TMEM132D: variants seen among roughly 807,000 people sequenced by gnomAD.
TMEM132D encodes mature OL transmembrane protein.
In TMEM132D, 21 loss-of-function variants were observed where a neutral mutation model predicts 62.3. That is an observed-to-expected ratio of 0.34 (90% CI 0.24 to 0.49). The LOEUF is 0.49. Among genes scored for constraint, TMEM132D ranks in the 20% least tolerant of loss-of-function variants. The probability of loss-of-function intolerance (pLI) is 0.99; values close to 1 mark genes in which losing one functional copy is unlikely to be tolerated. For synonymous variants in TMEM132D, 621 were observed against 575.6 expected (o/e 1.08, Z -1.13); for missense variants, 1,346 against 1,402.8 (o/e 0.96, Z 0.65).
At chr12:129,158,366 T>A (rs1877303803) in intron 5 of TMEM132D, among the ~76,000 whole-genome samples, 1 of 145,724 alleles carries the variant, frequency 6.9e-6, no homozygotes, top group Admixed American at 7.1e-5. Context: ...AAAACACAAG[T>A]GCATGAGCAG....
At chr12:129,833,260 A>T (rs1872900885) in intron 1 of TMEM132D, among the ~76,000 whole-genome samples, 1 of 152,210 alleles carries the variant, frequency 6.6e-6, no homozygotes, top group Non-Finnish European at 1.5e-5. Context: ...ACACAAAGGC[A>T]AACCTTGTTC....
Position 129,168,297 on chromosome 12 carries a change from C to T in TMEM132D, c.1443+41223G>A, listed in dbSNP as rs186270247. ...GCTTTATTGATATATAATTCACATACCACACAAATTATCCTTTAAAAGTAT... is the reference window on the plus strand; with the variant it reads ...GCTTTATTGATATATAATTCACATATCACACAAATTATCCTTTAAAAGTAT... On this transcript the variant is annotated intron_variant, in intron 5 of 8. Transcript: ENST00000422113. 3.4e-3 allele frequency among the ~76,000 whole-genome samples: 512 copies of T among 152,112 alleles called. 1 individual carries two copies. The highest frequency in any genetic ancestry group is 0.01 in the Middle Eastern group (3 of 294).
At chr12:129,282,594 G>T (rs1434145212) in intron 4 of TMEM132D, among the ~76,000 whole-genome samples, 1 of 152,150 alleles carries the variant, frequency 6.6e-6, no homozygotes. Context: ...TAAGAAAACT[G>T]CACTGAGTTT....
At chr12:129,479,198 T>C (rs1342997766) in intron 3 of TMEM132D, among the ~76,000 whole-genome samples, 1 of 152,210 alleles carries the variant, frequency 6.6e-6, no homozygotes, top group Non-Finnish European at 1.5e-5. Flanking sequence ...CTAAATGAAT[T>C]TGATTTCATC....
chr12:129,423,931 A>G (rs140881673), intron 3 of TMEM132D, among the ~76,000 whole-genome samples: 2 of 152,186 alleles, frequency 1.3e-5, no homozygotes, highest in Admixed American at 6.5e-5. Context: ...TAACAGCCTC[A>G]TAGGTTAGGC....
At position 129,125,745 on chromosome 12, in the gene TMEM132D, C is replaced by T. The variant is rs537803314; in HGVS notation, c.1444-41043G>A. On this transcript the variant is annotated intron_variant, in intron 5 of 8. Transcript: ENST00000422113. ...CTTGAACATCTGGACTCAAGCGATC[C>T]GCTCGCCTTGGCCTCCCAAAGCGCA... Among the ~76,000 whole-genome samples, 42 of 151,980 alleles carry T rather than the reference C, an allele frequency of 2.8e-4. No homozygotes were observed. The South Asian group carries it at 6.6e-3, about 24-fold the overall frequency.
At chr12:129,079,006 C>T (rs1874367896) in intron 7 of TMEM132D, among the ~76,000 whole-genome samples, 1 of 152,250 alleles carries the variant, frequency 6.6e-6, no homozygotes, top group Non-Finnish European at 1.5e-5. Flanking sequence ...TCCCACCATG[C>T]TCCATCCTGG....
intron 2 of TMEM132D, among the ~76,000 whole-genome samples, chr12:129,580,923 G>A (rs1184486817): frequency 6.6e-6 from 1 of 152,078 alleles, no homozygotes; most frequent in Non-Finnish European, 1.5e-5. Flanking sequence ...GCCATCAATT[G>A]TACCAGTTTT....
At chr12:129,384,744 C>T (rs924192914) in intron 3 of TMEM132D, among the ~76,000 whole-genome samples, 4 of 152,136 alleles carry the variant, frequency 2.6e-5, no homozygotes, top group Non-Finnish European at 5.9e-5. Context: ...ACACAGTCTC[C>T]AGGTGATGCG....
chr12:129,838,772 C>G (rs1195570352), intron 1 of TMEM132D, among the ~76,000 whole-genome samples: 1 of 152,078 alleles, frequency 6.6e-6, no homozygotes, highest in East Asian at 1.9e-4. Flanking sequence ...TAGTAGTAAT[C>G]AAAGACAAGC....
intron 2 of TMEM132D, among the ~76,000 whole-genome samples, chr12:129,533,947 TCGGAGATGTAGACA>T (rs1409376292): frequency 6.6e-6 from 1 of 152,216 alleles, no homozygotes. Context: ...TGGTCATTCT[TCGGAGATGTAGACA>T]CGGTATTTAC....
At position 129,163,938 on chromosome 12, in the gene TMEM132D, C is replaced by A. The variant is rs11060166; in HGVS notation, c.1443+45582G>T. ...GAAGAGAAACACTGAGATGTCCCAGCCGGATGGAAGTTGATACCAAATTAT... is the reference window on the plus strand; with the variant it reads ...GAAGAGAAACACTGAGATGTCCCAGACGGATGGAAGTTGATACCAAATTAT... On this transcript the variant is annotated intron_variant, in intron 5 of 8. Transcript: ENST00000422113. 1.2e-4 allele frequency among the ~76,000 whole-genome samples: 18 copies of A among 152,346 alleles called. No homozygotes were observed. In the East Asian group the frequency reaches 3.3e-3, roughly 28 times the overall value.
At chr12:129,398,233 T>A (rs2135698651) in intron 3 of TMEM132D, among the ~76,000 whole-genome samples, 1 of 152,324 alleles carries the variant, frequency 6.6e-6, no homozygotes, top group Admixed American at 6.5e-5. Flanking sequence ...TGGAGATAAA[T>A]GGTCTCAGCT....
At chr12:129,550,593 G>T (rs748461912) in intron 2 of TMEM132D, among the ~76,000 whole-genome samples, 13 of 152,146 alleles carry the variant, frequency 8.5e-5, no homozygotes, top group Non-Finnish European at 1.8e-4. Flanking sequence ...CCATTTCACA[G>T]CCATTACCAG....
At chr12:129,762,195 G>A (rs1870401747) in intron 1 of TMEM132D, among the ~76,000 whole-genome samples, 1 of 152,022 alleles carries the variant, frequency 6.6e-6, no homozygotes, top group Non-Finnish European at 1.5e-5. Context: ...TGTCTAAACC[G>A]ATTTGAGCTG....
At chr12:129,656,121 C>T (rs1880066725) in intron 2 of TMEM132D, among the ~76,000 whole-genome samples, 1 of 152,138 alleles carries the variant, frequency 6.6e-6, no homozygotes, top group African/African-American at 2.4e-5. Context: ...ATTCCATTTA[C>T]TATCCAGCAA....
At chr12:129,386,413 A>G (rs576082867) in intron 3 of TMEM132D, among the ~76,000 whole-genome samples, 12 of 152,280 alleles carry the variant, frequency 7.9e-5, no homozygotes, top group African/African-American at 2.9e-4. Flanking sequence ...TAATACAAAC[A>G]CAAATACTAT....
chr12:129,276,830 G>C (rs1881019886), intron 4 of TMEM132D, among the ~76,000 whole-genome samples: 2 of 152,184 alleles, frequency 1.3e-5, no homozygotes, highest in Admixed American at 1.3e-4. Context: ...TTAATGACAA[G>C]GCCAAACGGA....
chr12:129,324,056 CCAG>C (rs1669488794), intron 4 of TMEM132D, among the ~76,000 whole-genome samples: 2 of 151,972 alleles, frequency 1.3e-5, no homozygotes, highest in South Asian at 4.2e-4. Context: ...CATGTGTTTC[CCAG>C]CTTCTGCTCC....
Sources: gnomAD v4.1 joint callset for allele counts (sites outside exome capture counted in the v4.1 genomes callset) on GRCh38, gnomAD v4.1.1 for gene constraint, MANE v1.5 for transcripts, NCBI Gene and HGNC (gene_info 2026-07-23, HGNC 2026-07-21) for gene names.